The following RHOU variants were observed in gnomAD, a reference collection of about 807,000 sequenced individuals.
RHOU encodes the protein ras homolog family member U, also known as rho-related GTP-binding protein RhoU.
RHOU carries 8 observed loss-of-function variants against 12.6 expected under a neutral mutation model. The ratio of observed to expected loss-of-function variants is 0.64; its 90% CI spans 0.37 to 1.15. The LOEUF (loss-of-function observed/expected upper bound fraction) is 1.15, where lower values mean the gene tolerates loss of function less well. RHOU is among the 50% of genes most tolerant of loss of function. The pLI is 0.01. For missense variants in RHOU, 258 were observed against 347.0 expected (o/e 0.74, Z 2.04); for synonymous variants, 161 against 147.4 (o/e 1.09, Z -0.67).
the RHOU span, among the ~76,000 whole-genome samples, chr1:228,657,620 A>G: frequency 2.2e-4 from 34 of 152,350 alleles, no homozygotes; most frequent in Admixed American, 7.2e-4. Flanking sequence ...AATGGATAGA[A>G]TGATCAGATA....
the RHOU span, among the ~76,000 whole-genome samples, chr1:228,694,785 G>A: frequency 7.2e-5 from 11 of 152,000 alleles, no homozygotes; most frequent in African/African-American, 2.2e-4. Flanking sequence ...GTGAATATAC[G>A]CATGCATTTA....
At chr1:228,693,147 CAATA>C in the RHOU span, among the ~76,000 whole-genome samples, 2 of 152,144 alleles carry the variant, frequency 1.3e-5, no homozygotes, top group African/African-American at 2.4e-5. Flanking sequence ...AGAAAGAAAA[CAATA>C]AATAAAGGTT....
upstream of RHOU, among the ~76,000 whole-genome samples, chr1:228,732,421 C>A (rs1490199211): frequency 6.6e-6 from 1 of 152,064 alleles, no homozygotes; most frequent in East Asian, 1.9e-4. Flanking sequence ...GAAACATGGA[C>A]CCAAATGAGT....
the RHOU span, among the ~76,000 whole-genome samples, chr1:228,677,617 T>G: frequency 6.6e-6 from 1 of 152,014 alleles, no homozygotes; most frequent in Non-Finnish European, 1.5e-5. Context: ...GAGAGTGAAT[T>G]TGATAGTGTG....
the RHOU span, among the ~76,000 whole-genome samples, chr1:228,700,296 T>G: frequency 6.6e-6 from 1 of 152,262 alleles, no homozygotes; most frequent in Non-Finnish European, 1.5e-5. Context: ...TACTGGCTGA[T>G]GTAGCATGAA....
At chr1:228,707,284 G>A in the RHOU span, among the ~76,000 whole-genome samples, 5 of 138,338 alleles carry the variant, frequency 3.6e-5, no homozygotes, top group East Asian at 1.0e-3. Context: ...GTGTGTGTGT[G>A]TGTGTGTGTG....
At chr1:228,722,717 G>A in the RHOU span, among the ~76,000 whole-genome samples, 1 of 151,740 alleles carries the variant, frequency 6.6e-6, no homozygotes, top group African/African-American at 2.4e-5. Context: ...CTGCCTCCCA[G>A]GTTCAAGCGA....
At chr1:228,720,429 C>A in the RHOU span, among the ~76,000 whole-genome samples, 2 of 152,048 alleles carry the variant, frequency 1.3e-5, no homozygotes, top group Admixed American at 1.3e-4. Context: ...AAGTCCTAAC[C>A]CCCAATACCT....
At chr1:228,669,800 A>C in the RHOU span, among the ~76,000 whole-genome samples, 169 of 152,352 alleles carry the variant, frequency 1.1e-3, no homozygotes, top group South Asian at 5.6e-3. Context: ...TTCATTGTGA[A>C]GTGCATTTCT....
chr1:228,664,003 T>TCC, the RHOU span, among the ~76,000 whole-genome samples: 1 of 45,062 alleles, frequency 2.2e-5, no homozygotes, highest in African/African-American at 8.8e-5. Flanking sequence ...TCCCCTCCCC[T>TCC]CCTCTCCCCT....
At chr1:228,681,680 T>C in the RHOU span, among the ~76,000 whole-genome samples, 3,610 of 152,112 alleles carry the variant, frequency 0.024, 114 homozygotes, top group African/African-American at 0.073. Context: ...CGAGTTTGTA[T>C]TGGGGCCAAG....
At chr1:228,715,037 T>C in the RHOU span, among the ~76,000 whole-genome samples, 4 of 152,182 alleles carry the variant, frequency 2.6e-5, no homozygotes, top group East Asian at 7.7e-4. Context: ...CCACCGCGCC[T>C]GGCCAATTAA....
At chr1:228,682,321 G>A in the RHOU span, among the ~76,000 whole-genome samples, 1 of 152,200 alleles carries the variant, frequency 6.6e-6, no homozygotes, top group African/African-American at 2.4e-5. Flanking sequence ...TCTCCCGAAG[G>A]AGTCCCTCTG....
chr1:228,658,707 T>A, the RHOU span, among the ~76,000 whole-genome samples: 3 of 152,204 alleles, frequency 2.0e-5, no homozygotes, highest in Admixed American at 6.5e-5. Flanking sequence ...GCTGTCAGCA[T>A]CCACAGGGGA....
the RHOU span, among the ~76,000 whole-genome samples, chr1:228,696,127 C>A: frequency 6.6e-6 from 1 of 151,954 alleles, no homozygotes; most frequent in Non-Finnish European, 1.5e-5. Context: ...CTGTTTTGAA[C>A]AAACTAATAG....
At chr1:228,657,279 CAAAAA>C in the RHOU span, among the ~76,000 whole-genome samples, 6 of 28,034 alleles carry the variant, frequency 2.1e-4, no homozygotes, top group East Asian at 3.6e-3. Flanking sequence ...AACTCCATCT[CAAAAA>C]AAAAAAAAAA....
At chr1:228,721,980 T>C in the RHOU span, among the ~76,000 whole-genome samples, 1 of 152,194 alleles carries the variant, frequency 6.6e-6, no homozygotes, top group Non-Finnish European at 1.5e-5. Flanking sequence ...TTGCGACTTC[T>C]TTCACTGAAA....
chr1:228,684,851 C>G, the RHOU span, among the ~76,000 whole-genome samples: 1 of 152,060 alleles, frequency 6.6e-6, no homozygotes, highest in African/African-American at 2.4e-5. Context: ...ATAGCTCAGA[C>G]CCTAAGAGAG....
rs1662764102 is a variant in RHOU, at chr1:228,743,428, C to T, written c.465C>T (p.Pro155=). 2 of 1,614,068 alleles carry T rather than the reference C, an allele frequency of 1.2e-6. No homozygotes were observed. The highest frequency in any genetic ancestry group is 1.7e-6 in the Non-Finnish European group (2 of 1,180,052). The part of the protein sequence containing the change: ...PEIRCHCPKA[P]IILVGTQSDL... ...TTCGATGCCACTGTCCCAAAGCCCC[C>T]ATCATCCTAGTTGGAACGCAGTCGG... is the stretch of plus-strand genomic sequence containing the variant. Residue 155 remains proline (P), a synonymous_variant, in exon 3 of 3, where the codon CCC becomes CCT. Transcript: ENST00000366691. The surrounding 1 kb of genome is among the most constrained non-coding windows in gnomAD (Gnocchi z 5.1).
Sources: allele counts gnomAD v4.1 joint callset (sites outside exome capture counted in the v4.1 genomes callset), GRCh38; gene constraint gnomAD v4.1.1; non-coding constraint Gnocchi (gnomAD v3.1); transcripts MANE v1.5; gene names NCBI Gene and HGNC (gene_info 2026-07-23, HGNC 2026-07-21).